Variants in UGT1A6 observed in about 807,000 individuals in gnomAD.
UGT1A6 encodes UDP-glucuronosyltransferase 1A6.
UGT1A6 carries 32 observed loss-of-function variants against 44.4 expected under a neutral mutation model. The ratio of observed to expected loss-of-function variants is 0.72; its 90% CI spans 0.54 to 0.97. The LOEUF (loss-of-function observed/expected upper bound fraction) is 0.97. Among genes scored for constraint, UGT1A6 ranks in the 50% least tolerant of loss-of-function variants. The probability of loss-of-function intolerance (pLI) is 0.00; values close to 1 mark genes in which losing one functional copy is unlikely to be tolerated. For missense variants in UGT1A6, 685 were observed against 661.9 expected, an observed-to-expected ratio of 1.03 and a Z score of -0.38; for synonymous variants, 238 against 248.5, an observed-to-expected ratio of 0.96 and a Z score of 0.40.
intron 1 of UGT1A6, chr2:233,755,333 G>C (rs878855763): frequency 6.6e-6 from 3 of 455,150 alleles, no homozygotes; most frequent in South Asian, 1.9e-5. Context: ...CAGCACCCGC[G>C]CACAGGTCAG....
chr2:233,766,278 C>T (rs4663334), intron 1 of UGT1A6, among the ~76,000 whole-genome samples: 20,562 of 116,134 alleles, frequency 0.18, 1,583 homozygotes, highest in African/African-American at 0.25. Flanking sequence ...CTCGGTGGCC[C>T]GGGCTCGGTG....
chr2:233,711,190 C>G (rs886946782), intron 1 of UGT1A6, among the ~76,000 whole-genome samples: 1 of 152,236 alleles, frequency 6.6e-6, no homozygotes, highest in African/African-American at 2.4e-5. Flanking sequence ...CTACTCCCTC[C>G]CCACAGTCCT....
intron 1 of UGT1A6, among the ~76,000 whole-genome samples, chr2:233,699,961 C>T (rs767671450): frequency 6.6e-6 from 1 of 152,132 alleles, no homozygotes; most frequent in Non-Finnish European, 1.5e-5. Flanking sequence ...GTGAAAAATA[C>T]CCGTCCCCCA....
intron 1 of UGT1A6, chr2:233,744,028 CT>C: frequency 1.1e-6 from 1 of 877,624 alleles, no homozygotes; most frequent in African/African-American, 1.8e-5. Flanking sequence ...AGAGACGCCC[CT>C]TATGACGCAG....
intron 1 of UGT1A6, chr2:233,729,946 G>T (rs757885815): frequency 1.2e-6 from 2 of 1,614,002 alleles, no homozygotes; most frequent in Middle Eastern, 1.7e-4. Flanking sequence ...GCCCAACATG[G>T]TCTTCATTGG....
chr2:233,768,384 GA>G lies in UGT1A6; in HGVS notation c.1249del (p.Met417Ter). 1.9e-6 allele frequency: 3 copies of G among 1,614,136 alleles called. No homozygotes were observed. The highest frequency in any genetic ancestry group is 2.5e-6 in the Non-Finnish European group (3 of 1,180,028). ...AGCTGGAGTGACCCTGAATGTTCTG[GA>G]AATGACTTCTGAAGATTTAGAAAAT... ...KGAGVTLNVLEMTSEDLENAL... is the reference protein window; with the variant it reads ...KGAGVTLNVLXMTSEDLENAL... On this transcript the variant is annotated frameshift_variant, in exon 4 of 5. Transcript: ENST00000305139. LOFTEE classifies it high-confidence loss of function.
intron 1 of UGT1A6, among the ~76,000 whole-genome samples, chr2:233,736,069 T>G (rs1320914506): frequency 6.6e-6 from 1 of 152,194 alleles, no homozygotes; most frequent in Non-Finnish European, 1.5e-5. Flanking sequence ...CTTGCTAGGT[T>G]TGGGAAGTTC....
At chr2:233,732,755 G>GTT (rs956485327) in intron 1 of UGT1A6, among the ~76,000 whole-genome samples, 69 of 120,202 alleles carry the variant, frequency 5.7e-4, no homozygotes, top group African/African-American at 1.5e-3. Context: ...CACCAGCTTT[G>GTT]TTTTTTTTTT....
intron 1 of UGT1A6, among the ~76,000 whole-genome samples, chr2:233,700,439 G>T (rs2075564242): frequency 6.6e-6 from 1 of 152,158 alleles, no homozygotes; most frequent in African/African-American, 2.4e-5. Context: ...CTAAAGAGTA[G>T]CTGAATGCTA....
At chr2:233,718,468 A>G (rs934108857) in intron 1 of UGT1A6, among the ~76,000 whole-genome samples, 5 of 152,236 alleles carry the variant, frequency 3.3e-5, no homozygotes, top group African/African-American at 1.2e-4. Flanking sequence ...CCTCAGCTGC[A>G]GCCTGATAAA....
At chr2:233,741,718 G>C (rs530950175) in intron 1 of UGT1A6, 1 of 151,992 alleles carries the variant, frequency 6.6e-6, no homozygotes, top group South Asian at 2.1e-4. Flanking sequence ...GGGTTCTAGA[G>C]CATATCCAAA....
chr2:233,763,660 ACTC>A (rs2126005319), intron 1 of UGT1A6, among the ~76,000 whole-genome samples: 1 of 152,174 alleles, frequency 6.6e-6, no homozygotes, highest in South Asian at 2.1e-4. Context: ...TCTTGATAAA[ACTC>A]CTGAACTTTA....
chr2:233,724,270 G>A (rs1404305230), intron 1 of UGT1A6, among the ~76,000 whole-genome samples: 18 of 134,540 alleles, frequency 1.3e-4, no homozygotes, highest in African/African-American at 3.1e-4. Flanking sequence ...CGGACGGGGC[G>A]GCTGGCCGGG....
In UGT1A6 at chr2:233,693,615, CT is replaced by C. The variant is rs779391112; in HGVS notation, c.616del (p.Ser206ProfsTer38). ...RCYTKFSDHM[T>X]FSQRVANFLV... ...TACACAAAGTTTTCAGACCACATGACTTTTTCCCAACGAGTGGCCAACTTCC... is the reference window on the plus strand; with the variant it reads ...TACACAAAGTTTTCAGACCACATGACTTTTCCCAACGAGTGGCCAACTTCC... On this transcript the variant is annotated frameshift_variant, in exon 1 of 5. Coordinates refer to ENST00000305139, the MANE Select transcript of UGT1A6 (RefSeq NM_001072.4). LOFTEE classifies it high-confidence loss of function. The C allele has an allele frequency of 3.6e-5, 58 of 1,614,100 alleles. No individual in the cohort carries two copies. The highest frequency in any genetic ancestry group is 8.8e-5 in the South Asian group (8 of 91,080).
intron 1 of UGT1A6, chr2:233,719,778 T>C (rs2076804234): frequency 1.2e-6 from 2 of 1,611,190 alleles, no homozygotes; most frequent in African/African-American, 2.7e-5. Context: ...TATCTACTTA[T>C]CTTTCCAAAG....
chr2:233,761,872 G>A (rs1697885478), intron 1 of UGT1A6, among the ~76,000 whole-genome samples: 1 of 152,232 alleles, frequency 6.6e-6, no homozygotes, highest in Admixed American at 6.5e-5. Context: ...ATTTCAGAGA[G>A]CGTTCATTCA....
chr2:233,750,987 C>A (rs140441181), intron 1 of UGT1A6, among the ~76,000 whole-genome samples: 5 of 151,730 alleles, frequency 3.3e-5, no homozygotes, highest in African/African-American at 1.2e-4. Context: ...TGTGAGAAGG[C>A]GGCCACCATC....
rs1482422312 is a variant in UGT1A6, at chr2:233,772,303, A to G, written c.1343A>G (p.Asp448Gly). 3 of 1,614,112 alleles carry G rather than the reference A, an allele frequency of 1.9e-6. No individual in the cohort carries two copies. Among genetic ancestry groups the G allele is most frequent in the Non-Finnish European group, 2.5e-6 (3 of 1,180,052 alleles). The change falls in exon 5 of 5, where the codon GAC becomes GGC. Residue 448 changes from aspartate to glycine, a missense_variant. Transcript: ENST00000305139. Reference sequence around the variant, plus strand: ...ATGCGCCTCTCCAGCCTTCACAAGGACCGCCCGGTGGAGCCGCTGGACCTG... The same window carrying G: ...ATGCGCCTCTCCAGCCTTCACAAGGGCCGCCCGGTGGAGCCGCTGGACCTG... ...NIMRLSSLHK[D>G]RPVEPLDLAV...
intron 1 of UGT1A6, among the ~76,000 whole-genome samples, chr2:233,757,238 GT>G (rs1696448316): frequency 6.7e-6 from 1 of 149,106 alleles, no homozygotes; most frequent in Admixed American, 6.7e-5. Context: ...AGAAGTGGTG[GT>G]GAGGTGGGGT....
Sources: gnomAD v4.1 joint callset for allele counts (sites outside exome capture counted in the v4.1 genomes callset) on GRCh38, gnomAD v4.1.1 for gene constraint, MANE v1.5 for transcripts, NCBI Gene and HGNC (gene_info 2026-07-23, HGNC 2026-07-21) for gene names.